GRIK3: variants seen among roughly 807,000 people sequenced by gnomAD.
The protein encoded by GRIK3 is glutamate receptor ionotropic, kainate 3.
GRIK3 carries 29 observed loss-of-function variants against 102.5 expected under a neutral mutation model. The ratio of observed to expected loss-of-function variants is 0.28; its 90% CI spans 0.21 to 0.39. GRIK3 has a LOEUF of 0.39. GRIK3 is among the 10% of genes least tolerant of loss of function. GRIK3 has a pLI of 1.00. For missense variants in GRIK3, 908 were observed against 1,252.4 expected (o/e 0.73, Z 4.15); for synonymous variants, 511 against 504.9 (o/e 1.01, Z -0.16).
chr1:36,986,833 C>G (rs1409517877), intron 1 of GRIK3, among the ~76,000 whole-genome samples: 1 of 152,188 alleles, frequency 6.6e-6, no homozygotes, highest in African/African-American at 2.4e-5. Flanking sequence ...TTAGAGGTGT[C>G]TTGTGACAGT....
intron 1 of GRIK3, among the ~76,000 whole-genome samples, chr1:36,989,760 C>T (rs1278981683): frequency 6.6e-6 from 1 of 152,108 alleles, no homozygotes; most frequent in Non-Finnish European, 1.5e-5. Flanking sequence ...CCTGTGGGAA[C>T]CAGAGCTTGT....
At chr1:36,930,374 T>C (rs1641574508) in intron 1 of GRIK3, among the ~76,000 whole-genome samples, 1 of 152,222 alleles carries the variant, frequency 6.6e-6, no homozygotes, top group Non-Finnish European at 1.5e-5. Context: ...TATACTCTGT[T>C]CTCATCAGCT....
intron 1 of GRIK3, among the ~76,000 whole-genome samples, chr1:36,938,753 G>C (rs1460610753): frequency 6.6e-6 from 1 of 152,174 alleles, no homozygotes; most frequent in African/African-American, 2.4e-5. Flanking sequence ...CCAACTCCCT[G>C]ACCACAGTGA....
chr1:36,850,581 G>A lies in GRIK3; in HGVS notation c.1213-157C>T, dbSNP rs1019937490. ...TGCCATTGTGTTTCCAGTTATAACC[G>A]TTCTGGACAACATCCCTGCAGCTCT... On this transcript the variant is annotated intron_variant, in intron 8 of 15. Transcript: ENST00000373091. The surrounding 1 kb of genome is among the most constrained non-coding windows in gnomAD (Gnocchi z 4.0). Among the ~76,000 whole-genome samples, 1 of 152,100 alleles carries A rather than the reference G, an allele frequency of 6.6e-6. No homozygotes were observed. Among genetic ancestry groups the A allele is most frequent in the South Asian group, 2.1e-4 (1 of 4,818 alleles).
In GRIK3 at chr1:36,800,328, T is replaced by C. The variant is rs1228878370; in HGVS notation, c.*1523A>G. 2 of 152,342 alleles carry C rather than the reference T, an allele frequency of 1.3e-5. No homozygotes were observed. Among genetic ancestry groups the C allele is most frequent in the African/African-American group, 4.8e-5 (2 of 41,464 alleles). The allele number at this position is 152,342 out of a possible 1,614,324, so 9.4% of individuals were successfully genotyped here. A position where few individuals can be genotyped will look rare whatever the true frequency, so the allele number is the denominator to read the frequency against. On this transcript the variant is annotated 3_prime_UTR_variant, in exon 16 of 16. Transcript: ENST00000373091. ...CCATCCTTGGCCATGGTAACCCTGC[T>C]GGCCCATCATGTTCTCTTTAAGGAC... is the stretch of plus-strand genomic sequence containing the variant.
intron 14 of GRIK3, 124 bp from the exon 15 acceptor site, chr1:36,805,361 C>G (rs1333939677): frequency 5.2e-6 from 5 of 959,302 alleles, no homozygotes; most frequent in Non-Finnish European, 6.1e-6. Context: ...AAGGGGGTCC[C>G]TATCCCTGTG....
rs59740455 is a variant in GRIK3, at chr1:36,927,204, G to T, written c.116-36108C>A. 4.8e-3 allele frequency among the ~76,000 whole-genome samples: 727 copies of T among 152,262 alleles called. 6 individuals are homozygous for T. The highest frequency in any genetic ancestry group is 0.017 in the African/African-American group (692 of 41,542). ...GAGCTCTAACAGTCATGCAGCCCAGGGTGTGCAGACAGTAAGATTTGTCTT... is the reference window on the plus strand; with the variant it reads ...GAGCTCTAACAGTCATGCAGCCCAGTGTGTGCAGACAGTAAGATTTGTCTT... On this transcript the variant is annotated intron_variant, in intron 1 of 15. Coordinates refer to ENST00000373091, the MANE Select transcript of GRIK3 (RefSeq NM_000831.4).
intron 5 of GRIK3, among the ~76,000 whole-genome samples, chr1:36,862,203 C>T (rs565396674): frequency 6.6e-6 from 1 of 152,142 alleles, no homozygotes; most frequent in South Asian, 2.1e-4. Flanking sequence ...CCAACTCTGC[C>T]TTCAGTGACA....
chr1:36,813,471 G>T (rs999310327), intron 13 of GRIK3, among the ~76,000 whole-genome samples: 2 of 152,194 alleles, frequency 1.3e-5, no homozygotes, highest in African/African-American at 4.8e-5. Context: ...CACCTCTCTA[G>T]GAGAAGACCC....
chr1:36,801,960 A>G lies in GRIK3; in HGVS notation c.2651T>C (p.Met884Thr), dbSNP rs1642445596. The change falls in exon 16 of 16, where the codon ATG (methionine) becomes ACG (threonine). Residue 884 changes from methionine to threonine, a missense_variant. By Grantham distance (81) the Met-to-Thr change is moderately conservative. This residue lies in a region of GRIK3 where 297 missense variants were observed against 362.7 expected (regional missense o/e 0.82). Coordinates refer to ENST00000373091, the MANE Select transcript of GRIK3 (RefSeq NM_000831.4). ...RRVKHKPQPP[M>T]MVKTDAVINM... ...GATGACGGCGTCAGTCTTGACCATC[A>G]TGGGAGGCTGAGGCTTGTGCTTGAC... 1.2e-6 allele frequency: 2 copies of G among 1,613,920 alleles called. No individual in the cohort carries two copies. The highest frequency in any genetic ancestry group is 1.1e-5 in the South Asian group (1 of 91,064).
chr1:36,886,696 A>G (rs201345948), intron 2 of GRIK3, among the ~76,000 whole-genome samples: 3 of 152,226 alleles, frequency 2.0e-5, no homozygotes, highest in African/African-American at 7.2e-5. Flanking sequence ...TGTTAAGCAC[A>G]TGACTGTTAT....
At chr1:36,952,740 C>G (rs1641859798) in intron 1 of GRIK3, among the ~76,000 whole-genome samples, 1 of 152,066 alleles carries the variant, frequency 6.6e-6, no homozygotes, top group East Asian at 1.9e-4. Context: ...AATGACTATT[C>G]CATTGTGATA....
intron 13 of GRIK3, among the ~76,000 whole-genome samples, chr1:36,814,648 A>T (rs1642603638): frequency 6.6e-6 from 1 of 151,588 alleles, no homozygotes; most frequent in African/African-American, 2.4e-5. Flanking sequence ...ATACACACAC[A>T]CACTCAGATT....
intron 12 of GRIK3, among the ~76,000 whole-genome samples, chr1:36,817,795 T>C (rs1439148908): frequency 6.6e-6 from 1 of 152,192 alleles, no homozygotes; most frequent in Non-Finnish European, 1.5e-5. Context: ...TTGTCCTTCC[T>C]CTGTCCCAGC....
chr1:37,019,603 C>T (rs922177536), intron 1 of GRIK3, among the ~76,000 whole-genome samples: 1 of 152,102 alleles, frequency 6.6e-6, no homozygotes, highest in Non-Finnish European at 1.5e-5. Flanking sequence ...TGTTTCATTG[C>T]CCCCGCATCC....
intron 1 of GRIK3, among the ~76,000 whole-genome samples, chr1:36,931,649 T>C (rs1473335102): frequency 6.6e-6 from 1 of 152,226 alleles, no homozygotes; most frequent in African/African-American, 2.4e-5. Context: ...AGAGTGTTTT[T>C]CTTTGCCATA....
chr1:36,871,265 G>T (rs1445919280), intron 4 of GRIK3, among the ~76,000 whole-genome samples: 1 of 152,194 alleles, frequency 6.6e-6, no homozygotes, highest in Non-Finnish European at 1.5e-5. Flanking sequence ...CCTTTGTGAG[G>T]AGCCAGGGAT....
At chr1:36,967,092 C>A (rs1266559144) in intron 1 of GRIK3, among the ~76,000 whole-genome samples, 1 of 152,206 alleles carries the variant, frequency 6.6e-6, no homozygotes, top group Non-Finnish European at 1.5e-5. Context: ...ACACAGTTAG[C>A]AAAAGGAGGG....
In GRIK3 at chr1:37,028,319, C is replaced by A. The variant is rs1642784473; in HGVS notation, c.115+5675G>T. 2.0e-5 allele frequency among the ~76,000 whole-genome samples: 3 copies of A among 152,064 alleles called. No individual in the cohort carries two copies. In the South Asian group the frequency reaches 6.2e-4, roughly 31 times the overall value. On this transcript the variant is annotated intron_variant, in intron 1 of 15. Coordinates refer to ENST00000373091, the MANE Select transcript of GRIK3 (RefSeq NM_000831.4). ...ACTACAGACCCCAGAACAGTGGGAT[C>A]CCTGTAGGTGAACTGGCCTCACCCA...
Sources: gnomAD v4.1 joint callset for allele counts (sites outside exome capture counted in the v4.1 genomes callset) on GRCh38, gnomAD v4.1.1 for gene constraint, gnomAD v4.1.1 regional missense constraint, Gnocchi (gnomAD v3.1) non-coding constraint, MANE v1.5 for transcripts, NCBI Gene and HGNC (gene_info 2026-07-23, HGNC 2026-07-21) for gene names.